Variants in PAM observed in about 807,000 individuals in gnomAD.
PAM encodes the protein peptidyl-glycine alpha-amidating monooxygenase.
A neutral mutation model predicts 122.1 loss-of-function variants in PAM; 72 were observed. The observed-to-expected ratio is 0.59, with a 90% CI of 0.49 to 0.72. The LOEUF is 0.72. Ranked by LOEUF, PAM falls within the 30% of genes least tolerant of loss-of-function variation. The pLI is 0.00. For missense variants in PAM, 1,106 were observed against 1,183.7 expected, an observed-to-expected ratio of 0.93 and a Z score of 0.96; for synonymous variants, 389 against 404.4, an observed-to-expected ratio of 0.96 and a Z score of 0.46.
intron 25 of PAM, 143 bp from the exon 26 acceptor site, chr5:103,028,744 T>C (rs1455809324): frequency 1.2e-5 from 7 of 600,732 alleles, no homozygotes; most frequent in Non-Finnish European, 1.8e-5. Context: ...GATACGTCTC[T>C]GTCTGTTTTT....
At chr5:102,944,636 G>T (rs1756453118) in intron 7 of PAM, among the ~76,000 whole-genome samples, 1 of 152,008 alleles carries the variant, frequency 6.6e-6, no homozygotes, top group Admixed American at 6.6e-5. Flanking sequence ...AAAAAAATAA[G>T]GTTGTCTTGG....
intron 1 of PAM, among the ~76,000 whole-genome samples, chr5:102,812,692 A>G (rs1051875687): frequency 3.9e-5 from 6 of 152,092 alleles, no homozygotes; most frequent in Non-Finnish European, 8.8e-5. Flanking sequence ...AAAAAATCTG[A>G]TTTTATGTCA....
chr5:103,018,508 T>C (rs1251160327), intron 22 of PAM, among the ~76,000 whole-genome samples: 3 of 152,130 alleles, frequency 2.0e-5, no homozygotes, highest in Non-Finnish European at 4.4e-5. Context: ...GAGATGCCCA[T>C]GGACTATGCC....
chr5:102,819,610 C>T (rs546881979), intron 1 of PAM, among the ~76,000 whole-genome samples: 1 of 152,196 alleles, frequency 6.6e-6, no homozygotes, highest in African/African-American at 2.4e-5. Context: ...TAAACCATTG[C>T]ACTGCAATAA....
chr5:102,952,668 TAA>T (rs1391245503), intron 12 of PAM, among the ~76,000 whole-genome samples: 1 of 152,184 alleles, frequency 6.6e-6, no homozygotes, highest in Non-Finnish European at 1.5e-5. Context: ...TCATAGCAGT[TAA>T]TATGCTTTTT....
At chr5:102,905,013 G>A (rs1196807968) in intron 4 of PAM, among the ~76,000 whole-genome samples, 1 of 151,648 alleles carries the variant, frequency 6.6e-6, no homozygotes, top group South Asian at 2.1e-4. Context: ...AATTACAGTA[G>A]GTGTTTGAAG....
At chr5:102,861,341 T>TA (rs1266919152) in intron 1 of PAM, among the ~76,000 whole-genome samples, 1 of 152,214 alleles carries the variant, frequency 6.6e-6, no homozygotes, top group African/African-American at 2.4e-5. Context: ...TTAACACAGA[T>TA]ATAGTGAGAA....
intron 12 of PAM, among the ~76,000 whole-genome samples, chr5:102,957,836 G>A (rs1761259696): frequency 6.6e-6 from 1 of 151,960 alleles, no homozygotes; most frequent in South Asian, 2.1e-4. Context: ...CAGGCCATAT[G>A]GTAAGTTTTT....
chr5:102,979,802 T>C lies in PAM; in HGVS notation c.1483+5366T>C, dbSNP rs140769941. Among the ~76,000 whole-genome samples the C allele has an allele frequency of 7.6e-3, 1,151 of 152,168 alleles. 14 individuals are homozygous for C. Among genetic ancestry groups the C allele is most frequent in the African/African-American group, 0.026 (1,061 of 41,582 alleles). On this transcript the variant is annotated intron_variant, in intron 15 of 25. Coordinates refer to ENST00000438793, the MANE Select transcript of PAM (RefSeq NM_001177306.2). Reference sequence around the variant, plus strand: ...AATTTTAATAGCAGTATTTAATTTTTTTCTAAAAGTAGTAATTTCTTTTTC... The same window carrying C: ...AATTTTAATAGCAGTATTTAATTTTCTTCTAAAAGTAGTAATTTCTTTTTC...
intron 3 of PAM, among the ~76,000 whole-genome samples, chr5:102,893,793 C>T (rs146249031): frequency 6.0e-4 from 91 of 151,856 alleles, no homozygotes; most frequent in African/African-American, 2.0e-3. Context: ...AAATTCTCTA[C>T]TTGGTGGCAT....
intron 21 of PAM, among the ~76,000 whole-genome samples, chr5:103,016,280 C>T (rs545796282): frequency 3.3e-5 from 5 of 152,304 alleles, no homozygotes; most frequent in South Asian, 2.1e-4. Context: ...TCTTCTGCCC[C>T]GCCTAAACTG....
intron 1 of PAM, among the ~76,000 whole-genome samples, chr5:102,831,283 T>G (rs1212797937): frequency 2.6e-5 from 4 of 152,190 alleles, no homozygotes; most frequent in Non-Finnish European, 5.9e-5. Context: ...TTTGACATTT[T>G]TATTATATGC....
chr5:102,983,120 A>G (rs946696799), intron 15 of PAM, among the ~76,000 whole-genome samples: 9 of 151,912 alleles, frequency 5.9e-5, no homozygotes, highest in Admixed American at 5.2e-4. Context: ...AAGCAGAAGG[A>G]AGAATTTCTG....
At chr5:102,759,185 A>AGATAT (rs141759625) in intron 1 of PAM, among the ~76,000 whole-genome samples, 4,358 of 152,286 alleles carry the variant, frequency 0.029, 104 homozygotes, top group East Asian at 0.13. Flanking sequence ...GAACCTCAGA[A>AGATAT]GATAGGATAG....
intron 1 of PAM, among the ~76,000 whole-genome samples, chr5:102,778,828 T>C (rs1329092526): frequency 6.6e-6 from 1 of 152,194 alleles, no homozygotes; most frequent in Non-Finnish European, 1.5e-5. Context: ...GGTAATATTT[T>C]ATATGTAGAT....
At chr5:102,764,481 C>T (rs1753304889) in intron 1 of PAM, among the ~76,000 whole-genome samples, 2 of 151,890 alleles carry the variant, frequency 1.3e-5, no homozygotes, top group Admixed American at 6.6e-5. Context: ...TACGAAGCAG[C>T]GGTAACAGGT....
chr5:102,830,613 G>C (rs1775151658), intron 1 of PAM, among the ~76,000 whole-genome samples: 1 of 152,194 alleles, frequency 6.6e-6, no homozygotes, highest in African/African-American at 2.4e-5. Flanking sequence ...CTTTGAAGGA[G>C]GTTTGATATT....
chr5:102,873,162 T>G (rs1329931742), intron 3 of PAM: 1 of 152,214 alleles, frequency 6.6e-6, no homozygotes, highest in Non-Finnish European at 1.5e-5. Context: ...GTGATTTCCT[T>G]ATCTTTTCTC....
At chr5:102,850,876 A>G (rs1781196318) in intron 1 of PAM, among the ~76,000 whole-genome samples, 2 of 152,346 alleles carry the variant, frequency 1.3e-5, no homozygotes, top group Non-Finnish European at 2.9e-5. Context: ...TAGAGGTAGA[A>G]AAAAGAGCAG....
Sources: gnomAD v4.1 joint callset for allele counts (sites outside exome capture counted in the v4.1 genomes callset) on GRCh38, gnomAD v4.1.1 for gene constraint, MANE v1.5 for transcripts, NCBI Gene and HGNC (gene_info 2026-07-23, HGNC 2026-07-21) for gene names.